SYCP2L: variants seen among roughly 807,000 people sequenced by gnomAD.
The protein encoded by SYCP2L is synaptonemal complex protein 2-like.
A neutral mutation model predicts 125.8 loss-of-function variants in SYCP2L; 98 were observed. The ratio of observed to expected loss-of-function variants is 0.78; its 90% CI spans 0.66 to 0.92. SYCP2L has a LOEUF of 0.92. Among genes scored for constraint, SYCP2L ranks in the 40% least tolerant of loss-of-function variants. SYCP2L has a pLI of 0.00. For missense variants in SYCP2L, 842 were observed against 936.4 expected, an observed-to-expected ratio of 0.90 and a Z score of 1.32; for synonymous variants, 317 against 325.4, an observed-to-expected ratio of 0.97 and a Z score of 0.28.
Position 10,888,492 on chromosome 6 carries a change from T to G in SYCP2L, c.9+1357T>G, listed in dbSNP as rs75293317. Among the ~76,000 whole-genome samples, 557 of 152,270 alleles carry G rather than the reference T, an allele frequency of 3.7e-3. 4 individuals are homozygous for G. The highest frequency in any genetic ancestry group is 0.013 in the African/African-American group (523 of 41,544). On this transcript the variant is annotated intron_variant, in intron 1 of 29. Coordinates refer to ENST00000283141, the MANE Select transcript of SYCP2L (RefSeq NM_001040274.3). ...CTTTCTGATTTTCCTGTCAGGTTCC[T>G]ACCCACAAAAGCTGCCACATGATCT...
At chr6:10,899,835 A>G (rs1369501796) in intron 6 of SYCP2L, among the ~76,000 whole-genome samples, 1 of 152,156 alleles carries the variant, frequency 6.6e-6, no homozygotes, top group Non-Finnish European at 1.5e-5. Flanking sequence ...GGTTCCAAAC[A>G]TTTTCAAGTC....
At chr6:10,916,832 A>C (rs555515822) in intron 14 of SYCP2L, among the ~76,000 whole-genome samples, 23 of 152,170 alleles carry the variant, frequency 1.5e-4, no homozygotes, top group Non-Finnish European at 2.6e-4. Flanking sequence ...TCTACTAAAA[A>C]TACAAAAAAA....
Position 10,961,492 on chromosome 6 carries a change from A to G in SYCP2L, c.2356-8A>G. On this transcript the variant is annotated splice_region_variant and splice_polypyrimidine_tract_variant and intron_variant, in intron 27 of 29. Coordinates refer to ENST00000283141, the MANE Select transcript of SYCP2L (RefSeq NM_001040274.3). ...AGCTACTTAAACAAAACTTTTGTTC[A>G]ATCTTAGGAATTCTGGGGGAAACAG... 2 of 1,614,142 alleles carry G rather than the reference A, an allele frequency of 1.2e-6. No homozygotes were observed. The highest frequency in any genetic ancestry group is 1.7e-6 in the Non-Finnish European group (2 of 1,179,992).
intron 21 of SYCP2L, among the ~76,000 whole-genome samples, chr6:10,937,895 T>A (rs1320319707): frequency 6.6e-6 from 1 of 152,002 alleles, no homozygotes; most frequent in Non-Finnish European, 1.5e-5. Context: ...AGACCCATAA[T>A]GAGTAAGGAG....
chr6:10,895,942 C>A (rs1270885300), intron 4 of SYCP2L, among the ~76,000 whole-genome samples: 3 of 152,132 alleles, frequency 2.0e-5, no homozygotes, highest in African/African-American at 7.2e-5. Flanking sequence ...CACCTGAGGT[C>A]AGGGGTTCAA....
At chr6:10,963,598 G>A (rs1191567857) in intron 28 of SYCP2L, among the ~76,000 whole-genome samples, 184 bp from the exon 29 acceptor site, 1 of 152,166 alleles carries the variant, frequency 6.6e-6, no homozygotes, top group East Asian at 1.9e-4. Context: ...CAGAGAGAAT[G>A]CATAAAATGG....
intron 21 of SYCP2L, among the ~76,000 whole-genome samples, chr6:10,938,818 G>A (rs1561694408): frequency 6.6e-6 from 1 of 152,080 alleles, no homozygotes; most frequent in African/African-American, 2.4e-5. Context: ...AACTGTCTAA[G>A]AAAGAAATCA....
intron 4 of SYCP2L, among the ~76,000 whole-genome samples, chr6:10,897,658 T>C (rs5014494): frequency 0.9 from 137,137 of 152,192 alleles, 62,002 homozygotes; most frequent in East Asian, 1. Flanking sequence ...GTGATCCACC[T>C]GTCTCGGCCT....
intron 18 of SYCP2L, 55 bp downstream of exon 18, chr6:10,928,505 C>T: frequency 2.7e-6 from 4 of 1,491,606 alleles, no homozygotes; most frequent in Non-Finnish European, 3.6e-6. Context: ...GGGACTGTGA[C>T]AGGTGGAAGC....
At chr6:10,956,328 T>C in intron 25 of SYCP2L, 86 bp downstream of exon 25, 1 of 980,894 alleles carries the variant, frequency 1.0e-6, no homozygotes, top group Non-Finnish European at 1.5e-6. Flanking sequence ...CAGTACCACA[T>C]GGTCTCACTT....
chr6:10,923,623 A>T (rs1298500750), intron 14 of SYCP2L, among the ~76,000 whole-genome samples: 1 of 149,506 alleles, frequency 6.7e-6, no homozygotes, highest in Non-Finnish European at 1.5e-5. Context: ...TGACTTCGTG[A>T]TGCACCCGCC....
intron 21 of SYCP2L, 37 bp downstream of exon 21, chr6:10,935,224 T>C: frequency 6.2e-7 from 1 of 1,600,122 alleles, no homozygotes; most frequent in Non-Finnish European, 8.5e-7. Context: ...AGGAAAAAAT[T>C]TGTATTTGGG....
chr6:10,907,727 A>G (rs1456701949), intron 10 of SYCP2L, 43 bp downstream of exon 10: 2 of 1,599,848 alleles, frequency 1.3e-6, no homozygotes, highest in East Asian at 4.5e-5. Flanking sequence ...GCCAATATTT[A>G]TTAAGCATCC....
intron 17 of SYCP2L, among the ~76,000 whole-genome samples, chr6:10,927,881 CAG>C (rs1241582121): frequency 6.6e-6 from 1 of 152,138 alleles, no homozygotes; most frequent in Non-Finnish European, 1.5e-5. Context: ...GGCCCACCCT[CAG>C]GGGCGCATTC....
At chr6:10,973,403 C>G (rs114607089) in intron 29 of SYCP2L, among the ~76,000 whole-genome samples, 2 of 152,126 alleles carry the variant, frequency 1.3e-5, no homozygotes, top group Non-Finnish European at 2.9e-5. Context: ...CATGATGTTG[C>G]ACGCCTGTAA....
At chr6:10,919,491 A>G (rs538265801) in intron 14 of SYCP2L, among the ~76,000 whole-genome samples, 7 of 152,208 alleles carry the variant, frequency 4.6e-5, no homozygotes, top group Non-Finnish European at 7.4e-5. Context: ...GTGGGGTGAA[A>G]TGGACTCTGT....
chr6:10,935,205 G>A lies in SYCP2L; in HGVS notation c.1813+18G>A. 1 of 1,604,076 alleles carries A rather than the reference G, an allele frequency of 6.2e-7. No homozygotes were observed. The highest frequency in any genetic ancestry group is 8.5e-7 in the Non-Finnish European group (1 of 1,177,680). ...GAAAACAGGTACATGATTTTCTGTT[G>A]ACTTACATAGGAAAAAATTTGTATT... On this transcript the variant is annotated intron_variant, in intron 21 of 29. Coordinates refer to ENST00000283141, the MANE Select transcript of SYCP2L (RefSeq NM_001040274.3).
At chr6:10,972,848 C>T (rs1223228497) in intron 29 of SYCP2L, among the ~76,000 whole-genome samples, 1 of 152,074 alleles carries the variant, frequency 6.6e-6, no homozygotes, top group African/African-American at 2.4e-5. Context: ...TTTTTAAAAT[C>T]AGGGAAACAG....
At chr6:10,910,279 G>A (rs1010415205) in intron 11 of SYCP2L, 79 bp downstream of exon 11, 6 of 1,351,180 alleles carry the variant, frequency 4.4e-6, no homozygotes, top group Non-Finnish European at 6.3e-6. Context: ...TTTAGGGTCT[G>A]TTTCATTTTA....
Sources: allele counts gnomAD v4.1 joint callset (sites outside exome capture counted in the v4.1 genomes callset), GRCh38; gene constraint gnomAD v4.1.1; transcripts MANE v1.5; gene names NCBI Gene and HGNC (gene_info 2026-07-23, HGNC 2026-07-21).